KANK2: variants seen among roughly 807,000 people sequenced by gnomAD.
KANK2 encodes KN motif and ankyrin repeat domain-containing protein 2.
In KANK2, 41 loss-of-function variants were observed where a neutral mutation model predicts 74.6. The ratio of observed to expected loss-of-function variants is 0.55; its 90% CI spans 0.43 to 0.71. The LOEUF (loss-of-function observed/expected upper bound fraction) is 0.71, where lower values mean the gene tolerates loss of function less well. KANK2 is among the 30% of genes least tolerant of loss of function. The pLI, the probability that KANK2 is intolerant of heterozygous loss-of-function variation, is 0.00. For synonymous variants in KANK2, 537 were observed against 519.0 expected (o/e 1.03, Z -0.47); for missense variants, 1,148 against 1,196.4 (o/e 0.96, Z 0.60).
chr19:11,188,333 C>T (rs2078736364), intron 4 of KANK2, among the ~76,000 whole-genome samples: 2 of 152,072 alleles, frequency 1.3e-5, no homozygotes, highest in Admixed American at 6.6e-5. Flanking sequence ...CTCAGCTTCC[C>T]AAGTAGCTGG....
intron 9 of KANK2, among the ~76,000 whole-genome samples, 183 bp downstream of exon 9, chr19:11,174,290 A>G (rs1389791125): frequency 2.0e-5 from 3 of 151,966 alleles, no homozygotes; most frequent in African/African-American, 7.3e-5. Context: ...TCCACATCCA[A>G]TCGGAAGGTG....
intron 4 of KANK2, among the ~76,000 whole-genome samples, chr19:11,191,466 C>A (rs1390844204): frequency 6.6e-6 from 1 of 152,250 alleles, no homozygotes; most frequent in Non-Finnish European, 1.5e-5. Context: ...CTCTGGGAAG[C>A]ACCCCCTTCC....
At chr19:11,194,780 A>C in intron 2 of KANK2, 190 bp from the exon 3 acceptor site, 4 of 391,978 alleles carry the variant, frequency 1.0e-5, no homozygotes, top group Non-Finnish European at 1.5e-5. Flanking sequence ...GTCTGGAACA[A>C]AGAAACCAAA....
At chr19:11,181,638 G>GT (rs1445187181) in intron 4 of KANK2, among the ~76,000 whole-genome samples, 1 of 152,048 alleles carries the variant, frequency 6.6e-6, no homozygotes, top group Non-Finnish European at 1.5e-5. Flanking sequence ...AATGGGGACA[G>GT]TTTCAGTTTG....
At chr19:11,169,725 C>T (rs1358596170) in intron 12 of KANK2, 152 bp downstream of exon 12, 26 of 642,068 alleles carry the variant, frequency 4.0e-5, no homozygotes, top group Middle Eastern at 2.8e-4. Context: ...GGCTTGAAGC[C>T]GGGAGGCGGA....
In KANK2 at chr19:11,191,279, G is replaced by A. The variant is rs544501823; in HGVS notation, c.1249+1552C>T. On this transcript the variant is annotated intron_variant, in intron 4 of 12. Transcript: ENST00000586659. The stretch of plus-strand genomic sequence containing the variant: ...TGGTCTTGAACTCCTGGCCTCAAGC[G>A]ATCCACCTGCCTTGGCCTCCAAAGT... Among the ~76,000 whole-genome samples, 8 of 152,144 alleles carry A rather than the reference G, an allele frequency of 5.3e-5. No homozygotes were observed. The South Asian group carries it at 1.4e-3, about 28-fold the overall frequency.
chr19:11,178,302 G>A lies in KANK2; in HGVS notation c.1520+43C>T, dbSNP rs1290244100. The stretch of plus-strand genomic sequence containing the variant: ...TCTCGTGCGTGGATGAATGGAGGAG[G>A]GGCGGGAAGTATGGGGTGGGGGGTG... On this transcript the variant is annotated intron_variant, in intron 6 of 12. Coordinates refer to ENST00000586659, the MANE Select transcript of KANK2 (RefSeq NM_001136191.3). The A allele has an allele frequency of 5.7e-6, 6 of 1,047,734 alleles. No homozygotes were observed. In the South Asian group the frequency reaches 1.1e-4, roughly 20 times the overall value. The allele number at this position is 1,047,734 out of a possible 1,614,324, so 64.9% of individuals were successfully genotyped here.
chr19:11,194,154 C>T (rs1021345671), intron 3 of KANK2, 112 bp from the exon 4 acceptor site: 2 of 1,194,052 alleles, frequency 1.7e-6, no homozygotes, highest in Admixed American at 2.7e-5. Context: ...TGGGAGCCCA[C>T]CTGGTACTCA....
chr19:11,194,708 C>G, intron 2 of KANK2, 118 bp from the exon 3 acceptor site: 1 of 548,656 alleles, frequency 1.8e-6, no homozygotes, highest in Non-Finnish European at 3.3e-6. Flanking sequence ...CTGGGACCCA[C>G]TCATAGACGC....
intron 8 of KANK2, 56 bp from the exon 9 acceptor site, chr19:11,174,748 C>T: frequency 6.5e-6 from 9 of 1,386,730 alleles, no homozygotes; most frequent in Non-Finnish European, 9.0e-6. Context: ...CACTGGGACA[C>T]CCCCCACCCC....
intron 4 of KANK2, 48 bp downstream of exon 4, chr19:11,192,783 G>GGGC: frequency 6.9e-7 from 1 of 1,444,008 alleles, no homozygotes; most frequent in Non-Finnish European, 9.5e-7. Context: ...GAAGAAAGAG[G>GGGC]CCCCCCCCCC....
At chr19:11,195,358 G>C (rs560297760) in intron 2 of KANK2, among the ~76,000 whole-genome samples, 76 of 151,938 alleles carry the variant, frequency 5.0e-4, no homozygotes, top group African/African-American at 1.8e-3. Flanking sequence ...CAAAAGGGAG[G>C]GACAGTCAGA....
At position 11,178,608 on chromosome 19, in the gene KANK2, GTGGGTGGGCTCC is replaced by G. The variant is rs770438091; in HGVS notation, c.1350_1361del (p.Gln450_Thr453del). Reference sequence around the variant, plus strand: ...AGGCTGCTTGCCTGGTGGGCTCCCTGTGGGTGGGCTCCTGGGTGGGCACTCGGCCTGTGCTCT... The same window carrying G: ...AGGCTGCTTGCCTGGTGGGCTCCCTGTGGGTGGGCACTCGGCCTGTGCTCT... On this transcript the variant is annotated inframe_deletion, in exon 5 of 13. Transcript: ENST00000586659. 2 of 1,602,716 alleles carry G rather than the reference GTGGGTGGGCTCC, an allele frequency of 1.2e-6. No individual in the cohort carries two copies. Among genetic ancestry groups the G allele is most frequent in the Admixed American group, 1.7e-5 (1 of 57,714 alleles).
intron 10 of KANK2, among the ~76,000 whole-genome samples, chr19:11,172,722 A>C (rs1568642670): frequency 6.6e-6 from 1 of 152,052 alleles, no homozygotes; most frequent in Admixed American, 6.6e-5. Flanking sequence ...TTCAGTCCCC[A>C]GTTTTCGGCC....
chr19:11,176,868 T>C (rs554420609), intron 6 of KANK2, 51 bp from the exon 7 acceptor site: 69 of 1,483,666 alleles, frequency 4.7e-5, no homozygotes, highest in Non-Finnish European at 6.1e-5. Flanking sequence ...GGATGAGAAA[T>C]GGTGGGAAAG....
chr19:11,171,161 C>T (rs1471266538), intron 10 of KANK2, among the ~76,000 whole-genome samples: 4 of 152,144 alleles, frequency 2.6e-5, no homozygotes, highest in Non-Finnish European at 5.9e-5. Flanking sequence ...CTTTGGGAGG[C>T]CGAGGTGGGA....
chr19:11,183,651 G>A (rs2078593039), intron 4 of KANK2, among the ~76,000 whole-genome samples: 1 of 150,882 alleles, frequency 6.6e-6, no homozygotes, highest in East Asian at 1.9e-4. Context: ...ACCATGCCCA[G>A]CTAATTTTTT....
chr19:11,169,737 G>A (rs951362800), intron 12 of KANK2, 140 bp downstream of exon 12: 7 of 675,856 alleles, frequency 1.0e-5, no homozygotes, highest in Non-Finnish European at 1.8e-5. Flanking sequence ...GGAGGCGGAG[G>A]TTGCAATGAG....
rs573315769 is a variant in KANK2 at position 11,193,700 on chromosome 19, G to A, written c.380C>T (p.Thr127Met). The change falls in exon 4 of 13, where the codon ACG (threonine) becomes ATG (methionine). Residue 127 changes from threonine to methionine, a missense_variant. Transcript: ENST00000586659. The surrounding 1 kb of genome is among the most constrained non-coding windows in gnomAD (Gnocchi z 9.6). ...RGGFNPRVER[T>M]LLDARRRLED... ...GAGACGGCGACGGGCATCCAGCAGC[G>A]TGCGCTCCACCCGCGGATTGAAGCC... The A allele has an allele frequency of 1.1e-5, 17 of 1,611,502 alleles. No individual in the cohort carries two copies. In the East Asian group the frequency reaches 1.6e-4, roughly 15 times the overall value.
Sources: gnomAD v4.1 joint callset for allele counts (sites outside exome capture counted in the v4.1 genomes callset) on GRCh38, gnomAD v4.1.1 for gene constraint, Gnocchi (gnomAD v3.1) non-coding constraint, MANE v1.5 for transcripts, NCBI Gene and HGNC (gene_info 2026-07-23, HGNC 2026-07-21) for gene names.